Variants in UNC13C observed in about 807,000 individuals in gnomAD.
UNC13C encodes unc-13 homolog C, also known as protein unc-13 homolog C.
Under a neutral mutation model 245.4 loss-of-function variants are expected in UNC13C, and 174 were observed. That is an observed-to-expected ratio of 0.71 (90% CI 0.63 to 0.80). UNC13C has a LOEUF of 0.80. Ranked by LOEUF, UNC13C falls within the 30% of genes least tolerant of loss-of-function variation. The pLI, the probability that UNC13C is intolerant of heterozygous loss-of-function variation, is 0.00. For synonymous variants in UNC13C, 992 were observed against 895.1 expected (o/e 1.11, Z -1.93); for missense variants, 2,829 against 2,602.9 (o/e 1.09, Z -1.89).
the UNC13C span, among the ~76,000 whole-genome samples, chr15:53,897,904 A>T: frequency 6.6e-6 from 1 of 152,288 alleles, no homozygotes; most frequent in African/African-American, 2.4e-5. Flanking sequence ...CCTACTAAAA[A>T]TCCTGGGGGA....
chr15:53,869,345 C>T, the UNC13C span, among the ~76,000 whole-genome samples: 1 of 152,152 alleles, frequency 6.6e-6, no homozygotes, highest in African/African-American at 2.4e-5. Flanking sequence ...CAGGCATATA[C>T]ATTCATGACA....
intron 18 of UNC13C, among the ~76,000 whole-genome samples, chr15:54,401,234 A>T (rs146625325): frequency 8.2e-4 from 125 of 152,176 alleles, no homozygotes; most frequent in African/African-American, 2.9e-3. Context: ...TTTCATTTCA[A>T]TTTAATAAAT....
rs78875382 is a variant in UNC13C at position 54,004,736 on chromosome 15, G to T, written c.-256-7912G>T. 1.9e-3 allele frequency among the ~76,000 whole-genome samples: 287 copies of T among 152,206 alleles called. 1 individual carries two copies. The highest frequency in any genetic ancestry group is 6.8e-3 in the African/African-American group (284 of 41,522). ...GCGAGGTATCTCATTGTAGTTTTGA[G>T]TTGCATCTCTCTAATGATCAATGAT... On this transcript the variant is annotated intron_variant, in intron 1 of 32. Coordinates refer to ENST00000260323, the MANE Select transcript of UNC13C (RefSeq NM_001080534.3).
intron 2 of UNC13C, among the ~76,000 whole-genome samples, chr15:54,048,357 A>T (rs1178218639): frequency 6.6e-6 from 1 of 152,136 alleles, no homozygotes. Flanking sequence ...TTTTCTTTTG[A>T]CAGTAAGCAA....
chr15:54,173,592 C>T (rs1037985668), intron 4 of UNC13C, among the ~76,000 whole-genome samples: 6 of 152,026 alleles, frequency 3.9e-5, no homozygotes, highest in African/African-American at 1.4e-4. Context: ...TGCCAGATCA[C>T]TAATTTTCAT....
intron 2 of UNC13C, among the ~76,000 whole-genome samples, chr15:54,130,380 C>A (rs1449557317): frequency 6.7e-6 from 1 of 149,514 alleles, no homozygotes. Context: ...GCAAGCTCCG[C>A]CTCCCGGGTT....
At chr15:54,137,301 C>T (rs1011444542) in intron 2 of UNC13C, among the ~76,000 whole-genome samples, 19 of 152,106 alleles carry the variant, frequency 1.2e-4, no homozygotes, top group African/African-American at 4.6e-4. Context: ...GGAATAGTGG[C>T]CTGTAATTTT....
At chr15:54,526,984 GGT>G (rs1426573026) in intron 25 of UNC13C, among the ~76,000 whole-genome samples, 2 of 152,134 alleles carry the variant, frequency 1.3e-5, no homozygotes, top group African/African-American at 4.8e-5. Context: ...CATTATCAGA[GGT>G]GTGTCTGTAA....
At chr15:54,498,698 G>A (rs977787147) in intron 20 of UNC13C, among the ~76,000 whole-genome samples, 13 of 152,010 alleles carry the variant, frequency 8.6e-5, no homozygotes, top group African/African-American at 1.2e-4. Context: ...TGTGATGAAC[G>A]GCGTACAAGC....
chr15:54,312,890 C>T (rs1299058665), intron 13 of UNC13C, among the ~76,000 whole-genome samples: 1 of 151,824 alleles, frequency 6.6e-6, no homozygotes, highest in Admixed American at 6.6e-5. Context: ...AGTTCTCCAT[C>T]TAGCCAGCTG....
At chr15:53,860,235 A>G in the UNC13C span, among the ~76,000 whole-genome samples, 4 of 147,654 alleles carry the variant, frequency 2.7e-5, no homozygotes, top group Non-Finnish European at 6.0e-5. Flanking sequence ...GATTCAGATG[A>G]TAATCATGAT....
chr15:54,261,003 CCT>C (rs2036409995), intron 8 of UNC13C, among the ~76,000 whole-genome samples: 1 of 151,942 alleles, frequency 6.6e-6, no homozygotes, highest in Non-Finnish European at 1.5e-5. Flanking sequence ...CCAGTTTGCC[CCT>C]CTGTCTAAGG....
At chr15:54,147,466 G>A (rs1054478047) in intron 4 of UNC13C, among the ~76,000 whole-genome samples, 48 of 151,980 alleles carry the variant, frequency 3.2e-4, no homozygotes, top group South Asian at 8.3e-4. Context: ...TGATCTGCCT[G>A]CCTCGGCCTC....
At chr15:54,183,823 G>C (rs573131207) in intron 4 of UNC13C, among the ~76,000 whole-genome samples, 3 of 150,512 alleles carry the variant, frequency 2.0e-5, no homozygotes, top group Non-Finnish European at 4.4e-5. Context: ...ATAAGGCTAA[G>C]TCTCAAACTG....
chr15:54,247,367 G>A (rs1398436080), intron 7 of UNC13C, among the ~76,000 whole-genome samples: 2 of 152,008 alleles, frequency 1.3e-5, no homozygotes, highest in Non-Finnish European at 2.9e-5. Flanking sequence ...TTTTGCTGCT[G>A]AGAAAACATC....
intron 10 of UNC13C, among the ~76,000 whole-genome samples, chr15:54,287,422 GTTT>G (rs886831260): frequency 9.2e-5 from 14 of 152,220 alleles, no homozygotes; most frequent in Admixed American, 3.9e-4. Flanking sequence ...AACTTACTAT[GTTT>G]TTTATTCTTT....
intron 2 of UNC13C, among the ~76,000 whole-genome samples, chr15:54,123,054 A>G (rs530665757): frequency 6.6e-6 from 1 of 152,050 alleles, no homozygotes; most frequent in South Asian, 2.1e-4. Flanking sequence ...AGTTTTTTAC[A>G]TTCTTCCCTG....
At chr15:54,301,533 G>A (rs2037582863) in intron 13 of UNC13C, among the ~76,000 whole-genome samples, 2 of 152,078 alleles carry the variant, frequency 1.3e-5, no homozygotes, top group Non-Finnish European at 2.9e-5. Context: ...GTGAGAACAT[G>A]CAGTGTTTGG....
chr15:54,115,618 A>G (rs937281626), intron 2 of UNC13C, among the ~76,000 whole-genome samples: 2 of 152,128 alleles, frequency 1.3e-5, no homozygotes, highest in Non-Finnish European at 2.9e-5. Context: ...TAAATATTTT[A>G]AAAATAATTT....
Sources: allele counts gnomAD v4.1 joint callset (sites outside exome capture counted in the v4.1 genomes callset), GRCh38; gene constraint gnomAD v4.1.1; transcripts MANE v1.5; gene names NCBI Gene and HGNC (gene_info 2026-07-23, HGNC 2026-07-21).